Variants in AUTS2 observed in about 807,000 individuals in gnomAD.
The protein encoded by AUTS2 is activator of transcription and developmental regulator AUTS2, also known as autism susceptibility gene 2 protein.
A neutral mutation model predicts 112.4 loss-of-function variants in AUTS2; 17 were observed. That is an observed-to-expected ratio of 0.15 (90% CI 0.10 to 0.23). AUTS2 has a LOEUF of 0.23. Ranked by LOEUF, AUTS2 falls within the 10% of genes least tolerant of loss-of-function variation. The pLI is 1.00. For missense variants in AUTS2, 1,510 were observed against 1,701.6 expected (o/e 0.89, Z 1.98); for synonymous variants, 751 against 702.7 (o/e 1.07, Z -1.09).
intron 1 of AUTS2, among the ~76,000 whole-genome samples, chr7:69,647,716 A>G (rs1358742639): frequency 6.6e-6 from 1 of 152,244 alleles, no homozygotes; most frequent in Non-Finnish European, 1.5e-5. Context: ...ATAACAAAGT[A>G]TCACAAACTG....
chr7:69,903,955 G>GT (rs1470562097), intron 2 of AUTS2, among the ~76,000 whole-genome samples: 1 of 152,172 alleles, frequency 6.6e-6, no homozygotes. Flanking sequence ...TGGGAGATTT[G>GT]TAGTTGACAT....
intron 4 of AUTS2, among the ~76,000 whole-genome samples, chr7:70,312,685 T>C (rs1789815339): frequency 6.6e-6 from 1 of 152,234 alleles, no homozygotes; most frequent in Admixed American, 6.5e-5. Context: ...CCAGTACATA[T>C]GCAGAAATTC....
At chr7:69,964,135 C>T (rs1274470828) in intron 2 of AUTS2, among the ~76,000 whole-genome samples, 1 of 152,038 alleles carries the variant, frequency 6.6e-6, no homozygotes, top group Non-Finnish European at 1.5e-5. Flanking sequence ...ACCATATTAC[C>T]TGATACATAT....
chr7:70,126,306 G>A (rs1321140567), intron 3 of AUTS2, among the ~76,000 whole-genome samples: 2 of 152,128 alleles, frequency 1.3e-5, no homozygotes, highest in South Asian at 2.1e-4. Context: ...GTACTCGGGA[G>A]GCTGAGGCAG....
intron 4 of AUTS2, among the ~76,000 whole-genome samples, chr7:70,252,979 T>C (rs1431569324): frequency 3.3e-5 from 5 of 152,206 alleles, no homozygotes; most frequent in Non-Finnish European, 5.9e-5. Context: ...TTATGATCAC[T>C]GTAGCTTTGT....
chr7:70,091,779 G>A (rs1437477346), intron 2 of AUTS2, among the ~76,000 whole-genome samples: 5 of 152,114 alleles, frequency 3.3e-5, no homozygotes, highest in East Asian at 1.9e-4. Context: ...GAGTTAGTAC[G>A]GAGATTCCTG....
intron 5 of AUTS2, among the ~76,000 whole-genome samples, chr7:70,621,174 T>C (rs1804653270): frequency 6.6e-6 from 1 of 152,166 alleles, no homozygotes; most frequent in African/African-American, 2.4e-5. Context: ...CGTGGAAGGG[T>C]TGAGTGTTTC....
chr7:70,296,910 C>T (rs1788965068), intron 4 of AUTS2, among the ~76,000 whole-genome samples: 1 of 148,834 alleles, frequency 6.7e-6, no homozygotes, highest in Non-Finnish European at 1.5e-5. Context: ...GGTGTTATCA[C>T]AGCTCGCTGC....
chr7:69,932,435 A>G (rs1796260869), intron 2 of AUTS2, among the ~76,000 whole-genome samples: 1 of 152,134 alleles, frequency 6.6e-6, no homozygotes, highest in Admixed American at 6.6e-5. Context: ...GGTGGGGAGG[A>G]AAGGGAGAAA....
At chr7:69,819,807 CAG>C (rs1255837726) in intron 1 of AUTS2, among the ~76,000 whole-genome samples, 1 of 152,130 alleles carries the variant, frequency 6.6e-6, no homozygotes, top group Non-Finnish European at 1.5e-5. Context: ...TTTGCAGAGA[CAG>C]GGTCCCACTA....
At chr7:70,452,699 T>A (rs1053215447) in intron 5 of AUTS2, among the ~76,000 whole-genome samples, 1 of 152,040 alleles carries the variant, frequency 6.6e-6, no homozygotes, top group Non-Finnish European at 1.5e-5. Context: ...CTTTGAAACA[T>A]GGCCATGTCA....
chr7:70,490,410 G>A (rs376658678), intron 5 of AUTS2, among the ~76,000 whole-genome samples: 204 of 152,004 alleles, frequency 1.3e-3, no homozygotes, highest in African/African-American at 4.6e-3. Context: ...GGGAGGTAAC[G>A]AGTTGCTAGT....
intron 4 of AUTS2, among the ~76,000 whole-genome samples, chr7:70,421,229 G>C (rs1456387604): frequency 6.6e-6 from 1 of 151,716 alleles, no homozygotes; most frequent in Non-Finnish European, 1.5e-5. Context: ...TAATTTTTTA[G>C]TAAAACAAAA....
chr7:70,694,442 G>A lies in AUTS2; in HGVS notation c.691-4127G>A, dbSNP rs1174776887. The A allele has an allele frequency of 1.3e-5, 2 of 148,564 alleles. No homozygotes were observed. The highest frequency in any genetic ancestry group is 3.0e-5 in the Non-Finnish European group (2 of 66,536). The allele number at this position is 148,564 out of a possible 1,614,324, so 9.2% of individuals were successfully genotyped here. A position where few individuals can be genotyped will look rare whatever the true frequency, so the allele number is the denominator to read the frequency against. On this transcript the variant is annotated intron_variant, in intron 5 of 18. Coordinates refer to ENST00000342771, the MANE Select transcript of AUTS2 (RefSeq NM_015570.4). The surrounding 1 kb of genome is among the most constrained non-coding windows in gnomAD (Gnocchi z 4.1). ...GCCCGCGGCGCGGCTGGAGAGGCGG[G>A]ACCGGCTGTCGGGGAGCCCCGGGCG...
At chr7:70,710,337 C>T (rs779508983) in intron 6 of AUTS2, among the ~76,000 whole-genome samples, 10 of 152,096 alleles carry the variant, frequency 6.6e-5, no homozygotes, top group Non-Finnish European at 1.5e-4. Context: ...TTTACCACCA[C>T]GAATTGAAAT....
intron 1 of AUTS2, among the ~76,000 whole-genome samples, chr7:69,852,599 C>T (rs1009569811): frequency 2.6e-5 from 4 of 151,952 alleles, no homozygotes; most frequent in African/African-American, 9.7e-5. Flanking sequence ...ATTACAGGTG[C>T]CTGCCACCAT....
At chr7:70,382,362 C>T (rs939916981) in intron 4 of AUTS2, among the ~76,000 whole-genome samples, 11 of 152,200 alleles carry the variant, frequency 7.2e-5, no homozygotes, top group African/African-American at 2.7e-4. Flanking sequence ...ATGTGTCCTA[C>T]ACATCACTGC....
chr7:70,315,706 C>G (rs1245157396), intron 4 of AUTS2, among the ~76,000 whole-genome samples: 1 of 152,160 alleles, frequency 6.6e-6, no homozygotes, highest in Non-Finnish European at 1.5e-5. Context: ...GCACAGATGT[C>G]CATTTGACCT....
At chr7:70,400,911 A>G (rs1361808371) in intron 4 of AUTS2, among the ~76,000 whole-genome samples, 2 of 152,186 alleles carry the variant, frequency 1.3e-5, no homozygotes, top group Admixed American at 6.5e-5. Flanking sequence ...TTGAGAAACC[A>G]CTGCTTTAGA....
Sources: allele counts gnomAD v4.1 joint callset (sites outside exome capture counted in the v4.1 genomes callset), GRCh38; gene constraint gnomAD v4.1.1; non-coding constraint Gnocchi (gnomAD v3.1); transcripts MANE v1.5; gene names NCBI Gene and HGNC (gene_info 2026-07-23, HGNC 2026-07-21).